PLXNA4: variants seen among roughly 807,000 people sequenced by gnomAD.
PLXNA4 encodes plexin-A4.
In PLXNA4, 44 loss-of-function variants were observed where a neutral mutation model predicts 191.8. The ratio of observed to expected loss-of-function variants is 0.23; its 90% CI spans 0.18 to 0.29. PLXNA4 has a LOEUF of 0.29. PLXNA4 is among the 10% of genes least tolerant of loss of function. The pLI, the probability that PLXNA4 is intolerant of heterozygous loss-of-function variation, is 1.00. For missense variants in PLXNA4, 1,800 were observed against 2,488.8 expected, an observed-to-expected ratio of 0.72 and a Z score of 5.89; for synonymous variants, 1,082 against 1,009.5, an observed-to-expected ratio of 1.07 and a Z score of -1.36.
chr7:132,491,410 C>A (rs571355786), intron 2 of PLXNA4, among the ~76,000 whole-genome samples: 9 of 152,310 alleles, frequency 5.9e-5, no homozygotes, highest in African/African-American at 2.2e-4. Flanking sequence ...AGGCACTGTC[C>A]CTCCAGAGAA....
At chr7:132,599,176 T>G (rs573388855) in intron 2 of PLXNA4, among the ~76,000 whole-genome samples, 46 of 152,334 alleles carry the variant, frequency 3.0e-4, no homozygotes, top group Non-Finnish European at 6.2e-4. Flanking sequence ...TCTGGAAGGG[T>G]AGGTCCCCCT....
chr7:132,309,126 T>A (rs1027979094), intron 3 of PLXNA4, among the ~76,000 whole-genome samples: 1 of 152,148 alleles, frequency 6.6e-6, no homozygotes, highest in African/African-American at 2.4e-5. Context: ...GTGGCTGCCC[T>A]GAAGCTACAG....
chr7:132,386,146 CA>C (rs1805127653), intron 3 of PLXNA4, among the ~76,000 whole-genome samples: 1 of 152,116 alleles, frequency 6.6e-6, no homozygotes, highest in Non-Finnish European at 1.5e-5. Flanking sequence ...GTGAGCTGCC[CA>C]GCATTGAAAC....
At chr7:132,175,175 G>A (rs1796417153) in intron 20 of PLXNA4, among the ~76,000 whole-genome samples, 1 of 152,172 alleles carries the variant, frequency 6.6e-6, no homozygotes, top group Non-Finnish European at 1.5e-5. Context: ...ATGATGTGGG[G>A]TGGTGGCTGA....
chr7:132,227,872 C>A (rs375033185), intron 6 of PLXNA4, among the ~76,000 whole-genome samples: 2 of 152,082 alleles, frequency 1.3e-5, no homozygotes, highest in African/African-American at 2.4e-5. Context: ...AAGGGATTTG[C>A]GTGGTGCCAT....
chr7:132,448,655 T>C (rs1052064444), intron 3 of PLXNA4, among the ~76,000 whole-genome samples: 3 of 152,214 alleles, frequency 2.0e-5, no homozygotes, highest in African/African-American at 7.2e-5. Context: ...TGCAGCTATA[T>C]GTTATTTCTT....
At chr7:132,588,649 G>GGGAAA (rs1802546187) in intron 2 of PLXNA4, among the ~76,000 whole-genome samples, 1 of 114,614 alleles carries the variant, frequency 8.7e-6, no homozygotes, top group Non-Finnish European at 1.9e-5. Flanking sequence ...GGGAAGGGAA[G>GGGAAA]GGAAGGGAAG....
chr7:132,273,627 C>A (rs967264959), intron 4 of PLXNA4, among the ~76,000 whole-genome samples: 1 of 152,094 alleles, frequency 6.6e-6, no homozygotes, highest in Non-Finnish European at 1.5e-5. Context: ...AAGCTGATGG[C>A]CATAGTGTTG....
chr7:132,230,017 A>G (rs578111909), intron 5 of PLXNA4, among the ~76,000 whole-genome samples: 27 of 152,262 alleles, frequency 1.8e-4, no homozygotes, highest in African/African-American at 5.1e-4. Context: ...GATGGGATAA[A>G]TGGAGGAACA....
At position 132,450,621 on chromosome 7, in the gene PLXNA4, C is replaced by T. The variant is rs572174842; in HGVS notation, c.1371+38671G>A. Reference sequence around the variant, plus strand: ...ACTGGGAAGGCTGGAAAGGCCAGGACCCTGCCCTCAACTGAAGTCAACGGT... The same window carrying T: ...ACTGGGAAGGCTGGAAAGGCCAGGATCCTGCCCTCAACTGAAGTCAACGGT... On this transcript the variant is annotated intron_variant, in intron 3 of 31. Transcript: ENST00000321063. Among the ~76,000 whole-genome samples, 19 of 152,318 alleles carry T rather than the reference C, an allele frequency of 1.2e-4. No homozygotes were observed. In the South Asian group the frequency reaches 3.7e-3, roughly 30 times the overall value.
At chr7:132,502,203 G>A (rs1798284265) in intron 2 of PLXNA4, among the ~76,000 whole-genome samples, 1 of 152,176 alleles carries the variant, frequency 6.6e-6, no homozygotes, top group African/African-American at 2.4e-5. Flanking sequence ...CACCCAGACT[G>A]GAATGTGAGG....
In PLXNA4 at chr7:132,308,711, C is replaced by A. The variant is rs528802604; in HGVS notation, c.1372-10489G>T. The stretch of plus-strand genomic sequence containing the variant: ...TGAAAAACAGAAATAATAACAATAC[C>A]TCATTGTTATCATTATTGTGCAAGT... On this transcript the variant is annotated intron_variant, in intron 3 of 31. Transcript: ENST00000321063. Among the ~76,000 whole-genome samples the A allele has an allele frequency of 2.6e-5, 4 of 152,154 alleles. No homozygotes were observed. In the South Asian group the frequency reaches 8.3e-4, roughly 32 times the overall value.
chr7:132,594,737 G>A (rs567716345), intron 2 of PLXNA4, among the ~76,000 whole-genome samples: 27 of 152,234 alleles, frequency 1.8e-4, no homozygotes, highest in African/African-American at 5.8e-4. Context: ...CTCCAGCTGC[G>A]TGGATAGGCT....
At chr7:132,166,672 G>A (rs1256508662) in intron 22 of PLXNA4, among the ~76,000 whole-genome samples, 2 of 151,858 alleles carry the variant, frequency 1.3e-5, no homozygotes, top group Non-Finnish European at 2.9e-5. Flanking sequence ...GGAAAGGAGG[G>A]CAGAAGGAAG....
chr7:132,419,001 G>C (rs1794755898), intron 3 of PLXNA4, among the ~76,000 whole-genome samples: 1 of 152,188 alleles, frequency 6.6e-6, no homozygotes, highest in Admixed American at 6.5e-5. Context: ...CTCACTTCTT[G>C]TCACCACGTA....
At chr7:132,570,238 C>T (rs562132040) in intron 1 of PLXNA4, among the ~76,000 whole-genome samples, 2 of 152,272 alleles carry the variant, frequency 1.3e-5, no homozygotes, top group East Asian at 3.9e-4. Context: ...TTAAGTATTA[C>T]TTTCAGGAAA....
chr7:132,480,034 C>T (rs937872299), intron 3 of PLXNA4, among the ~76,000 whole-genome samples: 1 of 152,138 alleles, frequency 6.6e-6, no homozygotes, highest in African/African-American at 2.4e-5. Flanking sequence ...CCTAACCTCC[C>T]ATTCAATCAT....
chr7:132,431,110 C>G (rs754549348), intron 3 of PLXNA4, among the ~76,000 whole-genome samples: 27 of 152,328 alleles, frequency 1.8e-4, no homozygotes, highest in Non-Finnish European at 3.2e-4. Context: ...ATGGAGTCAT[C>G]ATCTCACAGG....
intron 3 of PLXNA4, among the ~76,000 whole-genome samples, chr7:132,400,302 A>G (rs550211556): frequency 1.3e-5 from 2 of 152,140 alleles, no homozygotes; most frequent in South Asian, 4.1e-4. Context: ...TGTGACACTG[A>G]CAATTATATT....
Sources: gnomAD v4.1 joint callset for allele counts (sites outside exome capture counted in the v4.1 genomes callset) on GRCh38, gnomAD v4.1.1 for gene constraint, MANE v1.5 for transcripts, NCBI Gene and HGNC (gene_info 2026-07-23, HGNC 2026-07-21) for gene names.